The following PRELID2 variants were observed in gnomAD, a reference collection of about 807,000 sequenced individuals.
PRELID2 encodes PRELI domain containing 2.
Under a neutral mutation model 28.4 loss-of-function variants are expected in PRELID2, and 25 were observed. That is an observed-to-expected ratio of 0.88 (90% CI 0.64 to 1.23). The LOEUF (loss-of-function observed/expected upper bound fraction) is 1.23. PRELID2 is among the 50% of genes most tolerant of loss of function. The probability of loss-of-function intolerance (pLI) is 0.00; values close to 1 mark genes in which losing one functional copy is unlikely to be tolerated. For synonymous variants in PRELID2, 76 were observed against 71.6 expected (o/e 1.06, Z -0.31); for missense variants, 201 against 214.4 (o/e 0.94, Z 0.39).
the PRELID2 span, among the ~76,000 whole-genome samples, chr5:145,297,392 A>C: frequency 6.6e-6 from 1 of 152,034 alleles, no homozygotes; most frequent in Non-Finnish European, 1.5e-5. Flanking sequence ...ATAGATGCAG[A>C]AAAGGCCTTT....
intron 1 of PRELID2, among the ~76,000 whole-genome samples, chr5:145,698,903 TTTTAGTAGAGACGAGG>T (rs1755343085): frequency 1.3e-5 from 2 of 152,118 alleles, no homozygotes; most frequent in African/African-American, 4.8e-5. Flanking sequence ...ATTTTTTTAG[TTTTAGTAGAGACGAGG>T]TTTCGCCATG....
At chr5:145,317,791 C>T in the PRELID2 span, among the ~76,000 whole-genome samples, 1 of 152,138 alleles carries the variant, frequency 6.6e-6, no homozygotes, top group Non-Finnish European at 1.5e-5. Context: ...GGCTCACCAG[C>T]CTAGGAATGG....
At chr5:145,391,662 A>T in the PRELID2 span, among the ~76,000 whole-genome samples, 1 of 148,796 alleles carries the variant, frequency 6.7e-6, no homozygotes, top group Non-Finnish European at 1.5e-5. Context: ...GAGGGCTTAC[A>T]TTTCTCCCTA....
At chr5:145,656,076 C>T (rs1754387615) in intron 1 of PRELID2, among the ~76,000 whole-genome samples, 1 of 152,156 alleles carries the variant, frequency 6.6e-6, no homozygotes. Context: ...ACAACCCCAT[C>T]ACAAAGTGGG....
chr5:145,429,138 C>G, the PRELID2 span, among the ~76,000 whole-genome samples: 1 of 152,114 alleles, frequency 6.6e-6, no homozygotes, highest in East Asian at 1.9e-4. Flanking sequence ...ACATTAAGAG[C>G]AGAGGTCAGA....
chr5:145,466,669 G>T, the PRELID2 span, among the ~76,000 whole-genome samples: 293 of 152,184 alleles, frequency 1.9e-3, no homozygotes, highest in Non-Finnish European at 2.1e-3. Flanking sequence ...AGAACACATT[G>T]TCCCTTGACA....
chr5:145,487,142 G>A (rs1461440197), intron 1 of PRELID2, among the ~76,000 whole-genome samples: 2 of 148,770 alleles, frequency 1.3e-5, no homozygotes, highest in East Asian at 4.0e-4. Context: ...CCTAATGCTA[G>A]ATGATGAGTT....
At chr5:145,370,620 C>T in the PRELID2 span, among the ~76,000 whole-genome samples, 7 of 152,002 alleles carry the variant, frequency 4.6e-5, no homozygotes, top group Admixed American at 2.0e-4. Flanking sequence ...TCTTTGATTC[C>T]GTACGAAATT....
At chr5:145,553,329 C>CA (rs947212147) in intron 1 of PRELID2, among the ~76,000 whole-genome samples, 2 of 152,042 alleles carry the variant, frequency 1.3e-5, no homozygotes, top group Admixed American at 1.3e-4. Flanking sequence ...GTAGCATGAA[C>CA]AAAGGCACAG....
chr5:145,696,787 C>A (rs913156311), intron 1 of PRELID2, among the ~76,000 whole-genome samples: 3 of 151,894 alleles, frequency 2.0e-5, no homozygotes, highest in African/African-American at 7.3e-5. Context: ...TTGAAAAAAT[C>A]ATTACAGTTC....
the PRELID2 span, among the ~76,000 whole-genome samples, chr5:145,254,382 G>T: frequency 6.6e-6 from 1 of 152,048 alleles, no homozygotes; most frequent in African/African-American, 2.4e-5. Flanking sequence ...AACTAAAGCT[G>T]CCAGTGATGA....
chr5:145,522,449 C>CAGAGAGAG (rs1419892064), intron 1 of PRELID2, among the ~76,000 whole-genome samples: 1 of 151,574 alleles, frequency 6.6e-6, no homozygotes, highest in Admixed American at 6.6e-5. Flanking sequence ...GACAGAGAGA[C>CAGAGAGAG]AGAGAGAGAG....
intron 1 of PRELID2, among the ~76,000 whole-genome samples, chr5:145,618,540 T>C (rs1753731552): frequency 6.6e-6 from 1 of 152,188 alleles, no homozygotes; most frequent in South Asian, 2.1e-4. Context: ...GAACCATCTA[T>C]GGGTTTCTCA....
chr5:145,770,833 G>A (rs984271039), intron 5 of PRELID2, among the ~76,000 whole-genome samples: 3 of 152,120 alleles, frequency 2.0e-5, no homozygotes, highest in African/African-American at 4.8e-5. Context: ...ATGTGTTTGC[G>A]TTTTAAGCTA....
At chr5:145,684,107 G>A (rs891558894) in intron 1 of PRELID2, among the ~76,000 whole-genome samples, 1 of 152,148 alleles carries the variant, frequency 6.6e-6, no homozygotes, top group African/African-American at 2.4e-5. Flanking sequence ...GACAAAAGGG[G>A]AAGAGCAGGA....
At chr5:145,651,690 G>C (rs188000923) in intron 1 of PRELID2, among the ~76,000 whole-genome samples, 1 of 152,346 alleles carries the variant, frequency 6.6e-6, no homozygotes, top group East Asian at 1.9e-4. Context: ...CTGCAGCTGA[G>C]GGTCCTGACT....
the PRELID2 span, among the ~76,000 whole-genome samples, chr5:145,442,266 G>A: frequency 6.6e-6 from 1 of 152,064 alleles, no homozygotes; most frequent in African/African-American, 2.4e-5. Context: ...TGAAATGTGA[G>A]TTGTATGAGA....
chr5:145,410,362 G>C, the PRELID2 span, among the ~76,000 whole-genome samples: 4 of 152,308 alleles, frequency 2.6e-5, no homozygotes, highest in South Asian at 6.2e-4. Flanking sequence ...ATGATCAGCA[G>C]TGTTAAAGAC....
At chr5:145,529,412 AC>A (rs1337580581) in intron 1 of PRELID2, among the ~76,000 whole-genome samples, 1 of 152,138 alleles carries the variant, frequency 6.6e-6, no homozygotes. Context: ...GAACAATCAG[AC>A]CAGGATTTTT....
Sources: allele counts gnomAD v4.1 joint callset (sites outside exome capture counted in the v4.1 genomes callset), GRCh38; gene constraint gnomAD v4.1.1; transcripts MANE v1.5; gene names NCBI Gene and HGNC (gene_info 2026-07-23, HGNC 2026-07-21).